EXT1: variants seen among roughly 807,000 people sequenced by gnomAD.
The protein encoded by EXT1 is exostosin glycosyltransferase 1, also known as exostosin-1.
A neutral mutation model predicts 82.5 loss-of-function variants in EXT1; 20 were observed. That is an observed-to-expected ratio of 0.24 (90% confidence interval 0.17 to 0.35). The LOEUF (loss-of-function observed/expected upper bound fraction) is 0.35, where lower values mean the gene tolerates loss of function less well. Among genes scored for constraint, EXT1 ranks in the 10% least tolerant of loss-of-function variants. The pLI is 1.00. For synonymous variants in EXT1, 348 were observed against 350.8 expected, an observed-to-expected ratio of 0.99 and a Z score of 0.09; for missense variants, 757 against 936.5, an observed-to-expected ratio of 0.81 and a Z score of 2.50.
intron 1 of EXT1, among the ~76,000 whole-genome samples, chr8:118,060,078 C>A (rs761516945): frequency 1.9e-4 from 29 of 152,176 alleles, no homozygotes; most frequent in Non-Finnish European, 3.1e-4. Context: ...TACCACAGAG[C>A]GCTCAATGAG....
At chr8:117,996,912 T>C (rs1211130188) in intron 1 of EXT1, among the ~76,000 whole-genome samples, 1 of 152,192 alleles carries the variant, frequency 6.6e-6, no homozygotes, top group South Asian at 2.1e-4. Flanking sequence ...TTTCCATCAC[T>C]ATCTCTTGTA....
chr8:117,879,439 AT>A (rs1813024752), intron 1 of EXT1, among the ~76,000 whole-genome samples: 1 of 151,820 alleles, frequency 6.6e-6, no homozygotes, highest in African/African-American at 2.4e-5. Flanking sequence ...TCCTTTCCAC[AT>A]GAAAAAAAAA....
intron 1 of EXT1, among the ~76,000 whole-genome samples, chr8:118,065,504 G>A (rs193204910): frequency 1.2e-4 from 18 of 152,284 alleles, no homozygotes; most frequent in African/African-American, 4.3e-4. Context: ...CAAAAAAGTT[G>A]TCAATTTTCT....
At chr8:118,096,378 T>G (rs1291040176) in intron 1 of EXT1, among the ~76,000 whole-genome samples, 2 of 152,040 alleles carry the variant, frequency 1.3e-5, no homozygotes, top group Non-Finnish European at 2.9e-5. Flanking sequence ...ATCCCAGCAC[T>G]TTGGGACGCT....
At chr8:118,080,589 G>A (rs6995707) in intron 1 of EXT1, among the ~76,000 whole-genome samples, 3,812 of 152,154 alleles carry the variant, frequency 0.025, 109 homozygotes, top group African/African-American at 0.071. Context: ...TTCTGCAGGC[G>A]TTGGGCATAA....
chr8:117,945,687 G>C (rs1814374072), intron 1 of EXT1, among the ~76,000 whole-genome samples: 1 of 151,990 alleles, frequency 6.6e-6, no homozygotes. Context: ...TTTTTTAGTA[G>C]AGATGGGGTT....
chr8:118,102,103 C>A (rs1451013388), intron 1 of EXT1, among the ~76,000 whole-genome samples: 2 of 151,948 alleles, frequency 1.3e-5, no homozygotes, highest in African/African-American at 2.4e-5. Flanking sequence ...CCCATCTCTA[C>A]TAAAAATACA....
At chr8:117,804,608 G>T in intron 10 of EXT1, 114 bp downstream of exon 10, 1 of 1,161,054 alleles carries the variant, frequency 8.6e-7, no homozygotes, top group Non-Finnish European at 1.3e-6. Context: ...TTCATTCCTG[G>T]TTTCTCCTCA....
chr8:118,051,504 C>T (rs974829538), intron 1 of EXT1, among the ~76,000 whole-genome samples: 17 of 152,064 alleles, frequency 1.1e-4, no homozygotes, highest in African/African-American at 3.4e-4. Context: ...TTAAAAAAGT[C>T]ACAAAAGTTG....
intron 1 of EXT1, among the ~76,000 whole-genome samples, chr8:118,056,816 C>T (rs1425708659): frequency 3.3e-5 from 5 of 152,192 alleles, no homozygotes; most frequent in Admixed American, 3.3e-4. Context: ...TGGAAGAGAA[C>T]TTTATGTATC....
chr8:117,819,210 A>G (rs1000199264), intron 6 of EXT1, among the ~76,000 whole-genome samples: 1 of 152,252 alleles, frequency 6.6e-6, no homozygotes, highest in Non-Finnish European at 1.5e-5. Flanking sequence ...TACCATAGGC[A>G]TAATCGTCTG....
rs184475999 is a variant in EXT1 at position 117,807,272 on chromosome 8, A to C, written c.1828T>G (p.Ser610Ala). The C allele has an allele frequency of 6.2e-7, 1 of 1,614,122 alleles. No homozygotes were observed. The highest frequency in any genetic ancestry group is 1.3e-5 in the African/African-American group (1 of 75,024). ...DNSKERWGYT[S>A]KWTNDYSMVL... ...ATGGAGTAGTCGTTCGTCCACTTTG[A>C]TGTGTATCCCCACCGCTCCTTAGAG... The change falls in exon 9 of 11, where the codon TCA (serine) becomes GCA (alanine). Residue 610 changes from serine (S) to alanine (A), a missense_variant. By Grantham distance (99) the Ser-to-Ala change is moderately conservative. Transcript: ENST00000378204.
At chr8:118,025,168 A>C (rs774742908) in intron 1 of EXT1, among the ~76,000 whole-genome samples, 3 of 152,210 alleles carry the variant, frequency 2.0e-5, no homozygotes, top group Non-Finnish European at 2.9e-5. Flanking sequence ...TGCTATAAGA[A>C]GTTTTCTCTG....
chr8:118,092,092 T>G (rs1817535471), intron 1 of EXT1, among the ~76,000 whole-genome samples: 1 of 152,220 alleles, frequency 6.6e-6, no homozygotes, highest in Non-Finnish European at 1.5e-5. Flanking sequence ...GAGTATAAAG[T>G]GTGAAATATC....
chr8:117,897,664 G>A (rs985385837), intron 1 of EXT1, among the ~76,000 whole-genome samples: 5 of 132,356 alleles, frequency 3.8e-5, no homozygotes, highest in African/African-American at 5.6e-5. Context: ...GCCCGATCTC[G>A]GTTCACTTCA....
intron 3 of EXT1, among the ~76,000 whole-genome samples, chr8:117,832,520 T>TAA (rs78434447): frequency 1.2e-4 from 17 of 142,122 alleles, no homozygotes; most frequent in South Asian, 6.6e-4. Flanking sequence ...AAGACTGTCT[T>TAA]AAAAAAAAAA....
chr8:118,084,589 G>A (rs1349908668), intron 1 of EXT1, among the ~76,000 whole-genome samples: 1 of 152,276 alleles, frequency 6.6e-6, no homozygotes, highest in Non-Finnish European at 1.5e-5. Context: ...AAACCCAAAT[G>A]CCCAGAGCCC....
rs143139544 is a variant in EXT1, at chr8:118,006,803, T to C, written c.962+103282A>G. On this transcript the variant is annotated intron_variant, in intron 1 of 10. Transcript: ENST00000378204. ...GTGTCATTTAGACTACAACAGGTTG[T>C]AAGAGTGGCCTGAGGCAAAAAAGAG... Among the ~76,000 whole-genome samples, 13 of 152,244 alleles carry C rather than the reference T, an allele frequency of 8.5e-5. No individual in the cohort carries two copies. In the East Asian group the frequency reaches 2.5e-3, roughly 29 times the overall value.
intron 1 of EXT1, among the ~76,000 whole-genome samples, chr8:117,992,651 C>T (rs938093917): frequency 1.3e-5 from 2 of 152,140 alleles, no homozygotes; most frequent in African/African-American, 4.8e-5. Context: ...TCAGCTGACA[C>T]TCTTCACAGG....
Sources: gnomAD v4.1 joint callset for allele counts (sites outside exome capture counted in the v4.1 genomes callset) on GRCh38, gnomAD v4.1.1 for gene constraint, MANE v1.5 for transcripts, NCBI Gene and HGNC (gene_info 2026-07-23, HGNC 2026-07-21) for gene names.